The following CCDC171 variants were observed in gnomAD, a reference collection of about 807,000 sequenced individuals.
CCDC171 encodes coiled-coil domain-containing protein 171.
In CCDC171, 177 loss-of-function variants were observed where a neutral mutation model predicts 168.2. That is an observed-to-expected ratio of 1.05 (90% confidence interval 0.93 to 1.19). CCDC171 has a LOEUF of 1.19. Ranked by LOEUF, CCDC171 falls within the 50% of genes most tolerant of loss-of-function variation. The pLI is 0.00. For missense variants in CCDC171, 1,991 were observed against 1,539.0 expected (o/e 1.29, Z -4.91); for synonymous variants, 687 against 540.8 (o/e 1.27, Z -3.75).
intron 3 of CCDC171, among the ~76,000 whole-genome samples, chr9:15,983,365 C>A (rs983909423): frequency 6.6e-6 from 1 of 151,518 alleles, no homozygotes; most frequent in African/African-American, 2.4e-5. Context: ...ATCTGTTTTT[C>A]TTTTTTTAAA....
rs559882146 is a variant in CCDC171, at chr9:15,611,204, C to T, written c.676-12063C>T. 7.9e-5 allele frequency among the ~76,000 whole-genome samples: 12 copies of T among 152,266 alleles called. No individual in the cohort carries two copies. In the South Asian group the frequency reaches 1.9e-3, roughly 24 times the overall value. On this transcript the variant is annotated intron_variant, in intron 6 of 25. Transcript: ENST00000380701. ...ATGATTGTAAATTTCCTGAGGCCTC[C>T]CCAGAAGCCAAGTGATGCCAGCATC... is the stretch of plus-strand genomic sequence containing the variant.
At chr9:15,660,769 T>A (rs2048254628) in intron 8 of CCDC171, among the ~76,000 whole-genome samples, 1 of 152,240 alleles carries the variant, frequency 6.6e-6, no homozygotes, top group Non-Finnish European at 1.5e-5. Flanking sequence ...CTATTGTGAA[T>A]AGTGCTGTGA....
chr9:15,937,021 G>A (rs549179143), intron 25 of CCDC171, among the ~76,000 whole-genome samples: 1 of 152,122 alleles, frequency 6.6e-6, no homozygotes, highest in African/African-American at 2.4e-5. Context: ...ACTTTATCAA[G>A]AACAAGGAAG....
intron 21 of CCDC171, among the ~76,000 whole-genome samples, chr9:15,797,550 T>G (rs1037281773): frequency 6.6e-6 from 1 of 152,168 alleles, no homozygotes; most frequent in Non-Finnish European, 1.5e-5. Flanking sequence ...GTTGTTTGTC[T>G]TATTCATTGT....
intron 10 of CCDC171, among the ~76,000 whole-genome samples, chr9:15,686,282 A>C (rs374942497): frequency 2.9e-4 from 44 of 152,232 alleles, no homozygotes; most frequent in African/African-American, 1.0e-3. Context: ...TCTGGGTTTT[A>C]ATCCCAGACC....
intron 23 of CCDC171, among the ~76,000 whole-genome samples, chr9:15,866,249 G>A (rs1316224867): frequency 6.6e-6 from 1 of 151,822 alleles, no homozygotes; most frequent in Non-Finnish European, 1.5e-5. Context: ...TATAAAATTT[G>A]AGCTCTAGAG....
In CCDC171 at chr9:15,561,670, C is replaced by G. The variant is rs116137049; in HGVS notation, c.-111-2308C>G. Among the ~76,000 whole-genome samples the G allele has an allele frequency of 6.6e-3, 1,002 of 152,220 alleles. 19 individuals are homozygous for G. The highest frequency in any genetic ancestry group is 0.023 in the African/African-American group (946 of 41,538). On this transcript the variant is annotated intron_variant, in intron 1 of 25. Transcript: ENST00000380701. ...ATTTTACTGCACCTTCTCTGCCATGCTCGATTGCATGGGAATCCCATCATA... is the reference window on the plus strand; with the variant it reads ...ATTTTACTGCACCTTCTCTGCCATGGTCGATTGCATGGGAATCCCATCATA...
intron 3 of CCDC171, among the ~76,000 whole-genome samples, chr9:15,995,107 C>T (rs1266635345): frequency 6.6e-6 from 1 of 152,198 alleles, no homozygotes; most frequent in Non-Finnish European, 1.5e-5. Context: ...ACCCACGCCT[C>T]TGTTCATTGC....
In CCDC171 at chr9:15,637,914, G is replaced by A. The variant is rs543924839; in HGVS notation, c.822+14501G>A. On this transcript the variant is annotated intron_variant, in intron 7 of 25. Transcript: ENST00000380701. ...TTCCAAGTCTTTGCTATTGTGAATA[G>A]TGCCGCAATAAACATACGTGTGCAT... Among the ~76,000 whole-genome samples the A allele has an allele frequency of 1.8e-3, 267 of 152,078 alleles. 2 individuals carry two copies. The highest frequency in any genetic ancestry group is 6.0e-3 in the African/African-American group (249 of 41,486).
chr9:15,840,322 A>G (rs1032483362), intron 21 of CCDC171, among the ~76,000 whole-genome samples: 5 of 152,160 alleles, frequency 3.3e-5, no homozygotes, highest in African/African-American at 7.2e-5. Context: ...CAGCATTTAA[A>G]TTCTAAATGA....
intron 24 of CCDC171, among the ~76,000 whole-genome samples, chr9:15,888,352 A>G (rs1186252435): frequency 6.6e-6 from 1 of 152,180 alleles, no homozygotes; most frequent in African/African-American, 2.4e-5. Context: ...AAAATGTTCA[A>G]CAACTTTAGT....
At chr9:15,746,964 G>A (rs377030516) in intron 18 of CCDC171, among the ~76,000 whole-genome samples, 1 of 152,282 alleles carries the variant, frequency 6.6e-6, no homozygotes, top group East Asian at 1.9e-4. Flanking sequence ...TGACTGGCTC[G>A]GCGGGTCCCA....
In CCDC171 at chr9:16,047,736, G is replaced by A. The variant is rs555336906; in HGVS notation, n.89+4850G>A. Among the ~76,000 whole-genome samples the A allele has an allele frequency of 1.3e-3, 203 of 152,252 alleles. 2 individuals carry two copies. Among genetic ancestry groups the A allele is most frequent in the African/African-American group, 4.6e-3 (193 of 41,546 alleles). On this transcript the variant is annotated intron_variant and non_coding_transcript_variant, in intron 1 of 1. Transcript: ENST00000478913. The stretch of plus-strand genomic sequence containing the variant: ...GGTAAATGACTAATCCTCTCTCAAC[G>A]TCTGCTTCCTCAATTGTAGAATAGG...
intron 6 of CCDC171, among the ~76,000 whole-genome samples, chr9:15,605,089 G>T (rs1406987886): frequency 6.6e-6 from 1 of 151,974 alleles, no homozygotes; most frequent in Non-Finnish European, 1.5e-5. Flanking sequence ...AGAGATGGGG[G>T]TCTTCCTTTG....
chr9:15,809,438 C>T (rs761484173), intron 21 of CCDC171, among the ~76,000 whole-genome samples: 1 of 152,142 alleles, frequency 6.6e-6, no homozygotes, highest in Admixed American at 6.5e-5. Flanking sequence ...GCTACAGACT[C>T]TCGTGGTGAG....
chr9:15,791,623 C>T (rs1486217858), intron 21 of CCDC171, among the ~76,000 whole-genome samples: 1 of 152,094 alleles, frequency 6.6e-6, no homozygotes, highest in Non-Finnish European at 1.5e-5. Context: ...TCAGAACTTC[C>T]AACACTATGT....
At chr9:15,564,253 G>C in intron 2 of CCDC171, 124 bp downstream of exon 2, 3 of 656,476 alleles carry the variant, frequency 4.6e-6, no homozygotes, top group Non-Finnish European at 7.9e-6. Flanking sequence ...TAGAAATTCT[G>C]TGGGACTGAA....
intron 3 of CCDC171, among the ~76,000 whole-genome samples, chr9:15,982,530 G>A (rs1291759898): frequency 1.3e-5 from 2 of 152,154 alleles, no homozygotes; most frequent in Non-Finnish European, 2.9e-5. Flanking sequence ...AGGAAAGAGG[G>A]ATAATTCATG....
At chr9:16,058,032 T>C (rs1833869414) in intron 1 of CCDC171, among the ~76,000 whole-genome samples, 1 of 146,260 alleles carries the variant, frequency 6.8e-6, no homozygotes, top group African/African-American at 2.7e-5. Flanking sequence ...AAGCCAGTTG[T>C]GAATTTTTTG....
Sources: gnomAD v4.1 joint callset for allele counts (sites outside exome capture counted in the v4.1 genomes callset) on GRCh38, gnomAD v4.1.1 for gene constraint, MANE v1.5 for transcripts, NCBI Gene and HGNC (gene_info 2026-07-23, HGNC 2026-07-21) for gene names.